RGS7: variants seen among roughly 807,000 people sequenced by gnomAD.
The protein encoded by RGS7 is regulator of G-protein signaling 7.
In RGS7, 27 loss-of-function variants were observed where a neutral mutation model predicts 81.1. The ratio of observed to expected loss-of-function variants is 0.33; its 90% confidence interval spans 0.25 to 0.46. The LOEUF is 0.46. Among genes scored for constraint, RGS7 ranks in the 20% least tolerant of loss-of-function variants. The probability of loss-of-function intolerance (pLI) is 1.00; values close to 1 mark genes in which losing one functional copy is unlikely to be tolerated. For missense variants in RGS7, 396 were observed against 607.4 expected, an observed-to-expected ratio of 0.65 and a Z score of 3.66; for synonymous variants, 208 against 207.7, an observed-to-expected ratio of 1.00 and a Z score of -0.01.
At chr1:241,348,778 G>A (rs2083059804) in intron 2 of RGS7, among the ~76,000 whole-genome samples, 1 of 152,168 alleles carries the variant, frequency 6.6e-6, no homozygotes, top group African/African-American at 2.4e-5. Context: ...AGAGGAAGCT[G>A]TCTAGATAGG....
chr1:240,900,561 C>G (rs1363377203), intron 6 of RGS7, among the ~76,000 whole-genome samples: 1 of 152,142 alleles, frequency 6.6e-6, no homozygotes, highest in Non-Finnish European at 1.5e-5. Flanking sequence ...GAGGTCCACT[C>G]CAGACCCTGT....
chr1:241,069,247 A>C (rs895548443), intron 3 of RGS7, among the ~76,000 whole-genome samples: 1 of 152,216 alleles, frequency 6.6e-6, no homozygotes, highest in Non-Finnish European at 1.5e-5. Context: ...TGTGTTTTCA[A>C]ACCAGTAGTG....
chr1:241,252,055 T>G (rs1049193618), intron 2 of RGS7, among the ~76,000 whole-genome samples: 7 of 151,262 alleles, frequency 4.6e-5, no homozygotes, highest in Non-Finnish European at 7.4e-5. Context: ...TTTTCTTTTT[T>G]TTTTTTGAGA....
At chr1:241,162,474 C>T (rs774830299) in intron 2 of RGS7, among the ~76,000 whole-genome samples, 2 of 152,140 alleles carry the variant, frequency 1.3e-5, no homozygotes, top group African/African-American at 2.4e-5. Context: ...AAATGCAAGC[C>T]CAAAAACCCT....
At chr1:240,950,177 GAGGGGCTCAT>G (rs1679325654) in intron 4 of RGS7, among the ~76,000 whole-genome samples, 1 of 152,146 alleles carries the variant, frequency 6.6e-6, no homozygotes, top group African/African-American at 2.4e-5. Flanking sequence ...TAAGGAACTC[GAGGGGCTCAT>G]AGTGTTGGTG....
chr1:241,206,881 T>G lies in RGS7; in HGVS notation c.79-108119A>C, dbSNP rs561731575. Among the ~76,000 whole-genome samples, 46 of 151,970 alleles carry G rather than the reference T, an allele frequency of 3.0e-4. 2 individuals are homozygous for G. The South Asian group carries it at 9.6e-3, about 32-fold the overall frequency. On this transcript the variant is annotated intron_variant, in intron 2 of 18. Coordinates refer to ENST00000440928, the MANE Select transcript of RGS7 (RefSeq NM_001364886.1). ...TCACCTTTAATTCTCTCCATAGCAC[T>G]TAGTGCTGTCTCAATTTACCTTCTT... is the stretch of plus-strand genomic sequence containing the variant.
At chr1:241,140,579 T>C (rs938622518) in intron 2 of RGS7, among the ~76,000 whole-genome samples, 5 of 152,204 alleles carry the variant, frequency 3.3e-5, no homozygotes, top group African/African-American at 1.2e-4. Flanking sequence ...AATTTTTAAA[T>C]TTTTTGTGGA....
intron 9 of RGS7, among the ~76,000 whole-genome samples, chr1:240,832,367 C>T (rs559757484): frequency 5.9e-4 from 90 of 152,148 alleles, no homozygotes; most frequent in African/African-American, 1.8e-3. Context: ...TCTTTTCAAC[C>T]GAACTAAGCT....
At chr1:240,830,072 T>C (rs997335816) in intron 9 of RGS7, among the ~76,000 whole-genome samples, 2 of 152,142 alleles carry the variant, frequency 1.3e-5, no homozygotes, top group African/African-American at 2.4e-5. Context: ...GCCTGTGAAG[T>C]AGTCAGTCCC....
At position 241,250,265 on chromosome 1, in the gene RGS7, G is replaced by A. The variant is rs190399611; in HGVS notation, c.78+105434C>T. 2.0e-5 allele frequency among the ~76,000 whole-genome samples: 3 copies of A among 152,000 alleles called. 1 individual carries two copies. Among genetic ancestry groups the A allele is most frequent in the Admixed American group, 1.3e-4 (2 of 15,262 alleles). The stretch of plus-strand genomic sequence containing the variant: ...TTTAATATCTAAATCATTTTTAAAA[G>A]GAAAGACAGAGAATTTTATCGAGGG... On this transcript the variant is annotated intron_variant, in intron 2 of 18. Transcript: ENST00000440928.
intron 6 of RGS7, among the ~76,000 whole-genome samples, chr1:240,911,496 G>A (rs548010490): frequency 2.0e-4 from 31 of 152,130 alleles, no homozygotes; most frequent in African/African-American, 4.6e-4. Context: ...TCTCATCCAC[G>A]ACCATGGCTT....
At chr1:240,915,238 G>A (rs138312282) in intron 6 of RGS7, among the ~76,000 whole-genome samples, 1,587 of 152,068 alleles carry the variant, frequency 0.01, 43 homozygotes, top group Admixed American at 0.062. Context: ...CTAAACCACC[G>A]GGGAGTAGGG....
chr1:241,246,436 T>C (rs562302911), intron 2 of RGS7, among the ~76,000 whole-genome samples: 2 of 152,230 alleles, frequency 1.3e-5, no homozygotes, highest in Admixed American at 6.5e-5. Context: ...GAAGGTAAAA[T>C]TCCTTCCAAA....
At chr1:240,990,291 A>G (rs1452119132) in intron 3 of RGS7, among the ~76,000 whole-genome samples, 3 of 152,004 alleles carry the variant, frequency 2.0e-5, no homozygotes, top group African/African-American at 7.2e-5. Flanking sequence ...TTTCATCATA[A>G]AAAAAAATGC....
intron 9 of RGS7, among the ~76,000 whole-genome samples, chr1:240,845,843 T>C (rs1658978802): frequency 6.6e-6 from 1 of 152,162 alleles, no homozygotes; most frequent in South Asian, 2.1e-4. Flanking sequence ...AAGAGAGAAG[T>C]AGCTCGAACA....
chr1:241,249,903 C>T (rs1291608739), intron 2 of RGS7, among the ~76,000 whole-genome samples: 1 of 151,944 alleles, frequency 6.6e-6, no homozygotes, highest in East Asian at 1.9e-4. Flanking sequence ...TGGCAGTTAA[C>T]AATGAATTGA....
intron 3 of RGS7, among the ~76,000 whole-genome samples, chr1:241,005,701 A>G (rs1329981851): frequency 6.6e-6 from 1 of 151,610 alleles, no homozygotes; most frequent in Non-Finnish European, 1.5e-5. Context: ...CACCCACCTA[A>G]TTTTTTGTAT....
At chr1:241,212,619 C>G (rs2074309847) in intron 2 of RGS7, among the ~76,000 whole-genome samples, 1 of 152,154 alleles carries the variant, frequency 6.6e-6, no homozygotes, top group African/African-American at 2.4e-5. Context: ...GACTGCAGCA[C>G]TGAATAAGAA....
intron 4 of RGS7, among the ~76,000 whole-genome samples, chr1:240,955,564 AAAAAAAAAAAAAAAAAAAAC>A (rs1247765843): frequency 2.2e-4 from 1 of 4,574 alleles, no homozygotes; most frequent in African/African-American, 5.1e-4. Flanking sequence ...AAAAAAAAAA[AAAAAAAAAAAAAAAAAAAAC>A]CGATTTGGAA....
Sources: gnomAD v4.1 joint callset for allele counts (sites outside exome capture counted in the v4.1 genomes callset) on GRCh38, gnomAD v4.1.1 for gene constraint, MANE v1.5 for transcripts, NCBI Gene and HGNC (gene_info 2026-07-23, HGNC 2026-07-21) for gene names.